The following DCAF6 variants were observed in gnomAD, a reference collection of about 807,000 sequenced individuals.
The protein encoded by DCAF6 is DDB1 and CUL4 associated factor 6.
A neutral mutation model predicts 125.1 loss-of-function variants in DCAF6; 54 were observed. The ratio of observed to expected loss-of-function variants is 0.43; its 90% CI spans 0.35 to 0.54. The LOEUF is 0.54. DCAF6 is among the 20% of genes least tolerant of loss of function. DCAF6 has a pLI of 0.01. For synonymous variants in DCAF6, 371 were observed against 390.4 expected, an observed-to-expected ratio of 0.95 and a Z score of 0.58; for missense variants, 934 against 1,161.7, an observed-to-expected ratio of 0.80 and a Z score of 2.85.
At chr1:168,037,697 G>T (rs1005731503) in intron 12 of DCAF6, among the ~76,000 whole-genome samples, 2 of 152,020 alleles carry the variant, frequency 1.3e-5, no homozygotes, top group Admixed American at 6.6e-5. Context: ...TCATCTATAG[G>T]CTCTTAAAAT....
chr1:168,004,550 G>A lies in DCAF6; in HGVS notation c.1135G>A (p.Asp379Asn). The part of the protein sequence containing the change: ...SRPRGGTSQS[D>N]ISTLPTVPSS... ...TTTTGAAGGTGGAACAAGTCAATCA[G>A]ATATTTCAACTCTTCCTACGGTCCC... Residue 379 changes from aspartate (D) to asparagine (N), a missense_variant, in exon 10 of 22, where the codon GAT becomes AAT. By Grantham distance (23) the Asp-to-Asn change is conservative. Around this residue, in one of 5 missense-constraint regions of DCAF6, gnomAD observed 559 missense variants for 635.5 expected, o/e 0.88. Coordinates refer to ENST00000367840, the MANE Select transcript of DCAF6 (RefSeq NM_001198956.2). The A allele has an allele frequency of 1.2e-6, 2 of 1,612,884 alleles. No individual in the cohort carries two copies. The highest frequency in any genetic ancestry group is 1.1e-5 in the South Asian group (1 of 90,948).
intron 13 of DCAF6, among the ~76,000 whole-genome samples, chr1:168,041,890 T>TCACA (rs1688575545): frequency 1.1e-5 from 1 of 89,520 alleles, no homozygotes; most frequent in South Asian, 3.0e-4. Flanking sequence ...TACATGTTTG[T>TCACA]CGCGCACACA....
chr1:167,890,736 C>T, the DCAF6 span, among the ~76,000 whole-genome samples: 2 of 152,260 alleles, frequency 1.3e-5, no homozygotes, highest in South Asian at 4.1e-4. Flanking sequence ...GAATAGCATG[C>T]TATGTAATTC....
intron 7 of DCAF6, among the ~76,000 whole-genome samples, chr1:167,994,114 T>C (rs1354010867): frequency 6.6e-6 from 1 of 152,022 alleles, no homozygotes; most frequent in Non-Finnish European, 1.5e-5. Flanking sequence ...TTCTTAATAA[T>C]GTATTAGTAA....
At chr1:167,873,026 C>T in the DCAF6 span, among the ~76,000 whole-genome samples, 20 of 151,588 alleles carry the variant, frequency 1.3e-4, no homozygotes, top group East Asian at 7.7e-4. Flanking sequence ...GCTGAGATCG[C>T]GCCACTGCAC....
chr1:168,063,646 G>A lies in DCAF6; in HGVS notation c.2326G>A (p.Glu776Lys), dbSNP rs1161218138. The change falls in exon 18 of 22, where the codon GAG (glutamate) becomes AAG (lysine). Residue 776 changes from glutamate to lysine, a missense_variant. Transcript: ENST00000367840. ...ACGCTCTGCTGTTGCCCGTATTCAG[G>A]AGTTCTTCAGACGGAGAAAAGAAAG... ...MRRSAVARIQ[E>K]FFRRRKERKE... 6.3e-7 allele frequency: 1 copy of A among 1,597,380 alleles called. No individual in the cohort carries two copies. Among genetic ancestry groups the A allele is most frequent in the African/African-American group, 1.4e-5 (1 of 73,562 alleles).
chr1:168,071,597 A>G (rs1280692272), intron 21 of DCAF6, among the ~76,000 whole-genome samples: 7 of 152,124 alleles, frequency 4.6e-5, no homozygotes, highest in African/African-American at 1.7e-4. Context: ...TTGCGCCACT[A>G]CACTCCAGCC....
chr1:167,925,789 T>C, the DCAF6 span, among the ~76,000 whole-genome samples: 1 of 151,952 alleles, frequency 6.6e-6, no homozygotes, highest in Non-Finnish European at 1.5e-5. Context: ...CCTTGTGATC[T>C]GCCCGCCTCA....
intron 12 of DCAF6, among the ~76,000 whole-genome samples, chr1:168,025,450 G>T (rs961261115): frequency 7.9e-5 from 12 of 152,108 alleles, no homozygotes; most frequent in Non-Finnish European, 1.8e-4. Context: ...GTATTGAGTG[G>T]CTTTGGCAGA....
chr1:167,886,478 G>C, the DCAF6 span, among the ~76,000 whole-genome samples: 2 of 152,264 alleles, frequency 1.3e-5, no homozygotes, highest in South Asian at 4.1e-4. Context: ...ATGGTGCTGG[G>C]AAAACTGGCT....
chr1:167,931,184 G>A (rs1321856304), upstream of DCAF6, among the ~76,000 whole-genome samples: 4 of 152,102 alleles, frequency 2.6e-5, no homozygotes, highest in Non-Finnish European at 4.4e-5. Flanking sequence ...CACACGCCTC[G>A]GCCTCCCAAA....
chr1:168,063,631 G>A lies in DCAF6; in HGVS notation c.2311G>A (p.Val771Ile), dbSNP rs1189390609. 7 of 1,583,366 alleles carry A rather than the reference G, an allele frequency of 4.4e-6. No homozygotes were observed. Among genetic ancestry groups the A allele is most frequent in the Admixed American group, 1.8e-5 (1 of 54,382 alleles). ...ATGTAATTCATATAGACGCTCTGCTGTTGCCCGTATTCAGGAGTTCTTCAG... is the reference window on the plus strand; with the variant it reads ...ATGTAATTCATATAGACGCTCTGCTATTGCCCGTATTCAGGAGTTCTTCAG... ...IGDRIMRRSAVARIQEFFRRR... is the reference protein window; with the variant it reads ...IGDRIMRRSAIARIQEFFRRR... The change falls in exon 18 of 22, where the codon GTT (valine) becomes ATT (isoleucine). Residue 771 changes from valine to isoleucine, a missense_variant. By Grantham distance (29) the Val-to-Ile change is conservative (BLOSUM62 3). This residue lies in a region of DCAF6 where 559 missense variants were observed against 635.5 expected (regional missense o/e 0.88). Coordinates refer to ENST00000367840, the MANE Select transcript of DCAF6 (RefSeq NM_001198956.2).
the DCAF6 span, chr1:167,924,400 A>G: frequency 2.0e-6 from 2 of 982,158 alleles, no homozygotes; most frequent in Middle Eastern, 3.0e-4. Flanking sequence ...TACCAAGAAT[A>G]CTCTAAAGTA....
At chr1:167,911,914 A>G in the DCAF6 span, among the ~76,000 whole-genome samples, 2 of 152,238 alleles carry the variant, frequency 1.3e-5, no homozygotes, top group African/African-American at 2.4e-5. Context: ...ATGCATTTTG[A>G]GATTAAGATG....
chr1:168,007,869 A>G (rs1172691676), intron 10 of DCAF6, among the ~76,000 whole-genome samples: 1 of 150,368 alleles, frequency 6.7e-6, no homozygotes, highest in East Asian at 2.0e-4. Context: ...AAATATATAT[A>G]TCAGCAATCT....
intron 6 of DCAF6, among the ~76,000 whole-genome samples, chr1:167,992,466 T>C (rs1310047917): frequency 1.3e-5 from 2 of 152,218 alleles, no homozygotes; most frequent in East Asian, 1.9e-4. Flanking sequence ...AAGTCACATA[T>C]CTAATAATAA....
chr1:168,004,650 C>G lies in DCAF6; in HGVS notation c.1235C>G (p.Ser412Cys), dbSNP rs932917379. 2 of 1,613,730 alleles carry G rather than the reference C, an allele frequency of 1.2e-6. No individual in the cohort carries two copies. The highest frequency in any genetic ancestry group is 1.7e-5 in the Admixed American group (1 of 59,896). ...DTPAEQFLQP[S>C]TSSTMSAQAH... The stretch of plus-strand genomic sequence containing the variant: ...CCAGCTGAACAATTTCTTCAGCCTT[C>G]TACATCCTCTACAATGTCAGCTCAG... The change falls in exon 10 of 22, where the codon TCT becomes TGT. Residue 412 changes from serine to cysteine, a missense_variant. Physicochemically the swap from Ser to Cys is moderately radical, Grantham distance 112 (BLOSUM62 -1). Coordinates refer to ENST00000367840, the MANE Select transcript of DCAF6 (RefSeq NM_001198956.2).
At chr1:167,937,061 AG>A (rs1671364484) in intron 1 of DCAF6, 53 bp downstream of exon 1, 4 of 1,459,556 alleles carry the variant, frequency 2.7e-6, no homozygotes, top group Admixed American at 1.9e-5. Flanking sequence ...AGAGTGGGGG[AG>A]GGGGCACGCT....
At chr1:167,920,629 C>T in the DCAF6 span, 1 of 1,612,092 alleles carries the variant, frequency 6.2e-7, no homozygotes, top group East Asian at 2.2e-5. Context: ...CACACACCAA[C>T]CCCTACACAT....
Sources: gnomAD v4.1 joint callset for allele counts (sites outside exome capture counted in the v4.1 genomes callset) on GRCh38, gnomAD v4.1.1 for gene constraint, gnomAD v4.1.1 regional missense constraint, MANE v1.5 for transcripts, NCBI Gene and HGNC (gene_info 2026-07-23, HGNC 2026-07-21) for gene names.